Variants in MSR1 observed in about 807,000 individuals in gnomAD.
The protein encoded by MSR1 is macrophage scavenger receptor 1.
In MSR1, 53 loss-of-function variants were observed where a neutral mutation model predicts 47.2. That is an observed-to-expected ratio of 1.12 (90% CI 0.90 to 1.41). MSR1 has a LOEUF of 1.41. MSR1 is among the 40% of genes most tolerant of loss of function. The probability of loss-of-function intolerance (pLI) is 0.00; values close to 1 mark genes in which losing one functional copy is unlikely to be tolerated. For synonymous variants in MSR1, 239 were observed against 185.6 expected (o/e 1.29, Z -2.34); for missense variants, 786 against 546.9 (o/e 1.44, Z -4.36).
At chr8:16,185,092 G>C (rs1044476752) in intron 1 of MSR1, among the ~76,000 whole-genome samples, 6 of 151,798 alleles carry the variant, frequency 4.0e-5, no homozygotes, top group Non-Finnish European at 7.4e-5. Context: ...TTGCTTTCTG[G>C]GCAATGTTCA....
At chr8:16,120,720 C>G (rs1056890249) in intron 8 of MSR1, 114 bp from the exon 9 acceptor site, 28 of 1,251,780 alleles carry the variant, frequency 2.2e-5, no homozygotes, top group Middle Eastern at 2.8e-4. Context: ...AGCACATTTT[C>G]CAAATAACTT....
chr8:16,187,246 C>G (rs1453805174), intron 1 of MSR1, among the ~76,000 whole-genome samples: 4 of 150,910 alleles, frequency 2.7e-5, no homozygotes, highest in Non-Finnish European at 5.9e-5. Context: ...ACCTCTAATC[C>G]CAGCTACTCA....
intron 8 of MSR1, among the ~76,000 whole-genome samples, chr8:16,131,704 A>G (rs969474864): frequency 2.0e-5 from 3 of 151,940 alleles, no homozygotes; most frequent in African/African-American, 7.3e-5. Context: ...GCATATGGCT[A>G]ATCAGTTATC....
rs141494557 is a variant in MSR1, at chr8:16,154,775, C to G, written c.898+289G>C. On this transcript the variant is annotated intron_variant, in intron 6 of 9. Transcript: ENST00000262101. Reference sequence around the variant, plus strand: ...CTGTCTATTATATACATGTCACTATCTAGACTTACAAACAATTCCATTTGG... The same window carrying G: ...CTGTCTATTATATACATGTCACTATGTAGACTTACAAACAATTCCATTTGG... Among the ~76,000 whole-genome samples the G allele has an allele frequency of 3.6e-3, 546 of 152,024 alleles. 5 individuals carry two copies. The highest frequency in any genetic ancestry group is 6.1e-3 in the Non-Finnish European group (412 of 67,910).
At chr8:16,174,093 T>G (rs1025042103) in intron 3 of MSR1, among the ~76,000 whole-genome samples, 2 of 152,190 alleles carry the variant, frequency 1.3e-5, no homozygotes, top group Non-Finnish European at 2.9e-5. Context: ...TTTTCTTATG[T>G]GGATAATGAG....
intron 6 of MSR1, among the ~76,000 whole-genome samples, chr8:16,151,679 G>A (rs942250143): frequency 3.9e-5 from 6 of 152,138 alleles, no homozygotes; most frequent in African/African-American, 7.2e-5. Context: ...TCAAAGAGAC[G>A]TTAGACATCA....
At chr8:16,173,059 C>G (rs554355408) in intron 3 of MSR1, among the ~76,000 whole-genome samples, 24 of 152,230 alleles carry the variant, frequency 1.6e-4, no homozygotes, top group African/African-American at 5.8e-4. Context: ...CATAGTGAGG[C>G]CTTTTCCAAA....
intron 8 of MSR1, among the ~76,000 whole-genome samples, chr8:16,137,581 T>G (rs1357621136): frequency 1.3e-5 from 2 of 152,168 alleles, no homozygotes; most frequent in Admixed American, 6.5e-5. Flanking sequence ...TTTAAAGACC[T>G]GGCTTTGAGT....
rs369581341 is a variant in MSR1 at position 16,150,213 on chromosome 8, T to C, written c.979+18A>G. The stretch of plus-strand genomic sequence containing the variant: ...TCTTCTACATATTCTATAAAGAAAA[T>C]ACACATTATTGTAATACCTGGCCTT... On this transcript the variant is annotated intron_variant, in intron 7 of 9. Transcript: ENST00000262101. 9.1e-6 allele frequency: 12 copies of C among 1,320,790 alleles called. No individual in the cohort carries two copies. The highest frequency in any genetic ancestry group is 1.2e-5 in the Non-Finnish European group (12 of 980,712). The allele number at this position is 1,320,790 out of a possible 1,614,324, so 81.8% of individuals were successfully genotyped here. A position where few individuals can be genotyped will look rare whatever the true frequency, so the allele number is the denominator to read the frequency against.
chr8:16,147,529 G>T (rs1055167067), intron 7 of MSR1, among the ~76,000 whole-genome samples: 1 of 152,168 alleles, frequency 6.6e-6, no homozygotes, highest in Non-Finnish European at 1.5e-5. Flanking sequence ...GCAATGTAAA[G>T]TATCAAAGAG....
At chr8:16,138,837 C>T (rs918588647) in intron 8 of MSR1, among the ~76,000 whole-genome samples, 35 of 152,298 alleles carry the variant, frequency 2.3e-4, no homozygotes, top group Non-Finnish European at 4.7e-4. Context: ...TAATTCTTCT[C>T]TCCCTTTTAT....
At chr8:16,161,250 G>A (rs1303287295) in intron 5 of MSR1, among the ~76,000 whole-genome samples, 1 of 151,854 alleles carries the variant, frequency 6.6e-6, no homozygotes, top group African/African-American at 2.4e-5. Context: ...GGAAGTCAAA[G>A]ACAGCTTCCA....
chr8:16,177,999 A>C lies in MSR1; in HGVS notation c.-4-7T>G, dbSNP rs186191230. 9.4e-6 allele frequency: 15 copies of C among 1,602,784 alleles called. No homozygotes were observed. The African/African-American group carries it at 1.6e-4, about 17-fold the overall frequency. On this transcript the variant is annotated splice_polypyrimidine_tract_variant and splice_region_variant and intron_variant, in intron 1 of 9. Coordinates refer to ENST00000262101, the MANE Select transcript of MSR1 (RefSeq NM_138715.3). ...ATCCCACTGCTCCATACTTCTATGA[A>C]ACAAAATGGAAAAATATATTAATTC...
chr8:16,136,472 A>C (rs921595205), intron 8 of MSR1, among the ~76,000 whole-genome samples: 1 of 152,004 alleles, frequency 6.6e-6, no homozygotes, highest in African/African-American at 2.4e-5. Flanking sequence ...GAAACCAAAA[A>C]ATTTGTCTGG....
chr8:16,132,372 CT>C (rs1290175187), intron 8 of MSR1, among the ~76,000 whole-genome samples: 1 of 152,102 alleles, frequency 6.6e-6, no homozygotes, highest in Non-Finnish European at 1.5e-5. Flanking sequence ...TGTTTATCAG[CT>C]GAAAGAGCTT....
intron 8 of MSR1, among the ~76,000 whole-genome samples, chr8:16,135,890 G>A (rs891688444): frequency 6.6e-6 from 1 of 152,096 alleles, no homozygotes; most frequent in African/African-American, 2.4e-5. Context: ...AATAATAAGA[G>A]AAGTGGAGAA....
rs1799749597 is a variant in MSR1, at chr8:16,111,236, G to A, written c.1223-1018C>T. Among the ~76,000 whole-genome samples, 3 of 152,122 alleles carry A rather than the reference G, an allele frequency of 2.0e-5. 1 individual carries two copies. The South Asian group carries it at 6.2e-4, about 31-fold the overall frequency. ...GCAAATAAAAACAATTGCACAAATA[G>A]TAAGACTATTCCCATGTTAATACAG... On this transcript the variant is annotated intron_variant, in intron 9 of 9. Coordinates refer to ENST00000262101, the MANE Select transcript of MSR1 (RefSeq NM_138715.3).
chr8:16,118,478 C>T (rs1799926910), intron 9 of MSR1, among the ~76,000 whole-genome samples: 1 of 152,238 alleles, frequency 6.6e-6, no homozygotes, highest in African/African-American at 2.4e-5. Flanking sequence ...TGGCTCACAC[C>T]TGTAATCCCA....
intron 5 of MSR1, among the ~76,000 whole-genome samples, chr8:16,160,508 G>A (rs1801131638): frequency 6.6e-6 from 1 of 152,054 alleles, no homozygotes; most frequent in African/African-American, 2.4e-5. Context: ...TAACCTCACA[G>A]AGCTCACATT....
Sources: allele counts gnomAD v4.1 joint callset (sites outside exome capture counted in the v4.1 genomes callset), GRCh38; gene constraint gnomAD v4.1.1; transcripts MANE v1.5; gene names NCBI Gene and HGNC (gene_info 2026-07-23, HGNC 2026-07-21).